R3HCC1L: variants seen among roughly 807,000 people sequenced by gnomAD.
R3HCC1L encodes R3H domain and coiled-coil containing 1 like, also known as coiled-coil domain-containing protein R3HCC1L.
In R3HCC1L, 51 loss-of-function variants were observed where a neutral mutation model predicts 59.9. The observed-to-expected ratio is 0.85, with a 90% confidence interval of 0.68 to 1.07. The LOEUF is 1.07. Among genes scored for constraint, R3HCC1L ranks in the 50% least tolerant of loss-of-function variants. The pLI, the probability that R3HCC1L is intolerant of heterozygous loss-of-function variation, is 0.00. For missense variants in R3HCC1L, 965 were observed against 933.0 expected, an observed-to-expected ratio of 1.03 and a Z score of -0.45; for synonymous variants, 322 against 315.2, an observed-to-expected ratio of 1.02 and a Z score of -0.23.
rs865993813 is a variant in R3HCC1L at position 98,182,874 on chromosome 10, C to T, written c.-15+19477C>T. Among the ~76,000 whole-genome samples the T allele has an allele frequency of 2.9e-4, 44 of 152,264 alleles. No individual in the cohort carries two copies. In the Middle Eastern group the frequency reaches 0.01, roughly 35 times the overall value. ...CAAGGGATATAATCTCCTGGTGTGC[C>T]GTTTGCTAAGACCATTAGAAAAGTG... On this transcript the variant is annotated intron_variant, in intron 4 of 9. Coordinates refer to ENST00000298999, the MANE Select transcript of R3HCC1L (RefSeq NM_001351015.2).
At chr10:98,174,965 GT>G (rs1269698432) in intron 4 of R3HCC1L, among the ~76,000 whole-genome samples, 8 of 152,118 alleles carry the variant, frequency 5.3e-5, no homozygotes, top group Admixed American at 5.2e-4. Context: ...TAAAAATATA[GT>G]TTTCTGTATC....
intron 4 of R3HCC1L, among the ~76,000 whole-genome samples, chr10:98,204,003 A>G (rs1339135383): frequency 6.6e-6 from 1 of 152,236 alleles, no homozygotes; most frequent in Non-Finnish European, 1.5e-5. Flanking sequence ...CTTCAAGCAT[A>G]AATTAGCTGC....
rs754242171 is a variant in R3HCC1L, at chr10:98,208,398, A to G, written c.284A>G (p.Asp95Gly). The change falls in exon 5 of 10, where the codon GAC becomes GGC. Residue 95 changes from aspartate to glycine, a missense_variant. Physicochemically the swap from Asp to Gly is moderately conservative, Grantham distance 94. Coordinates refer to ENST00000298999, the MANE Select transcript of R3HCC1L (RefSeq NM_001351015.2). ...AAATCTTCAACAAAATTAAGAATGG[A>G]CACATGCCTTCAAAAAACAAATAGA... ...EKKSSTKLRM[D>G]TCLQKTNRVC... is the part of the protein sequence containing the mutation. The G allele has an allele frequency of 6.2e-7, 1 of 1,613,968 alleles. No homozygotes were observed. The highest frequency in any genetic ancestry group is 8.5e-7 in the Non-Finnish European group (1 of 1,180,002).
Position 98,209,450 on chromosome 10 carries a change from A to T in R3HCC1L, c.1336A>T (p.Ile446Phe), listed in dbSNP as rs183111131. ...CAGCAACCCTTCTGCTTGCTCAGAT[A>T]TTTATGGTGAGAGTATTTCATCTCA... ...DFSNPSACSD[I>F]YGESISSHFT... Residue 446 changes from isoleucine to phenylalanine, a missense_variant, in exon 5 of 10, where the codon ATT becomes TTT. Ile to Phe is a conservative substitution (Grantham distance 21, BLOSUM62 0). Coordinates refer to ENST00000298999, the MANE Select transcript of R3HCC1L (RefSeq NM_001351015.2). The T allele has an allele frequency of 5.0e-6, 8 of 1,613,428 alleles. No individual in the cohort carries two copies. Among genetic ancestry groups the T allele is most frequent in the Middle Eastern group, 3.3e-4 (2 of 6,084 alleles).
intron 4 of R3HCC1L, among the ~76,000 whole-genome samples, chr10:98,186,892 T>C (rs1376846016): frequency 6.6e-6 from 1 of 152,166 alleles, no homozygotes; most frequent in Non-Finnish European, 1.5e-5. Flanking sequence ...TGTGAGTAGC[T>C]AAATAGCTCA....
intron 1 of R3HCC1L, among the ~76,000 whole-genome samples, chr10:98,145,670 C>T (rs193268276): frequency 2.0e-4 from 30 of 152,214 alleles, no homozygotes; most frequent in Non-Finnish European, 3.8e-4. Flanking sequence ...AAACCATTCT[C>T]GCTGGGCGCG....
In R3HCC1L at chr10:98,236,044, G is replaced by C. The variant is rs1856910418; in HGVS notation, c.2149G>C (p.Glu717Gln). 1.2e-6 allele frequency: 2 copies of C among 1,613,766 alleles called. No individual in the cohort carries two copies. Among genetic ancestry groups the C allele is most frequent in the Non-Finnish European group, 1.7e-6 (2 of 1,179,770 alleles). Residue 717 changes from glutamate (E) to glutamine (Q), a missense_variant, in exon 9 of 10, where the codon GAG becomes CAG. Transcript: ENST00000298999. ...AYAEFLQPAKERPETSAALAR... is the reference protein window; with the variant it reads ...AYAEFLQPAKQRPETSAALAR... ...TTCAGAGTTCCTCCAGCCAGCAAAGGAGCGTCCTGAGACTTCAGCAGCCCT... is the reference window on the plus strand; with the variant it reads ...TTCAGAGTTCCTCCAGCCAGCAAAGCAGCGTCCTGAGACTTCAGCAGCCCT...
At chr10:98,211,344 C>G in intron 5 of R3HCC1L, 2 of 1,533,166 alleles carry the variant, frequency 1.3e-6, no homozygotes, top group Non-Finnish European at 1.7e-6. Flanking sequence ...AACCACTGCT[C>G]AAAGGTAATA....
chr10:98,153,162 G>C (rs1451023393), intron 1 of R3HCC1L, among the ~76,000 whole-genome samples: 2 of 152,236 alleles, frequency 1.3e-5, no homozygotes, highest in Non-Finnish European at 2.9e-5. Context: ...CGGTTTTGTG[G>C]AATAGAAAAG....
At chr10:98,155,167 T>G (rs1846721872) in intron 1 of R3HCC1L, among the ~76,000 whole-genome samples, 1 of 152,222 alleles carries the variant, frequency 6.6e-6, no homozygotes, top group Non-Finnish European at 1.5e-5. Context: ...TCTCTGTCCT[T>G]TTATATTACT....
chr10:98,160,428 A>G (rs149994535), intron 2 of R3HCC1L, among the ~76,000 whole-genome samples: 1 of 152,320 alleles, frequency 6.6e-6, no homozygotes, highest in African/African-American at 2.4e-5. Flanking sequence ...TTTTAAGTGT[A>G]TTAGATAAAA....
At chr10:98,142,265 T>C (rs1277782201) in intron 1 of R3HCC1L, among the ~76,000 whole-genome samples, 1 of 152,240 alleles carries the variant, frequency 6.6e-6, no homozygotes, top group Non-Finnish European at 1.5e-5. Context: ...GCAGACAGTT[T>C]AGAAAATCAG....
intron 4 of R3HCC1L, among the ~76,000 whole-genome samples, chr10:98,207,836 C>T (rs1011076303): frequency 3.9e-5 from 6 of 152,050 alleles, no homozygotes; most frequent in South Asian, 2.1e-4. Flanking sequence ...TGATGAAACC[C>T]GGTCTCTACC....
intron 9 of R3HCC1L, among the ~76,000 whole-genome samples, chr10:98,239,241 G>A (rs574618316): frequency 6.6e-6 from 1 of 152,242 alleles, no homozygotes; most frequent in East Asian, 1.9e-4. Flanking sequence ...ATTATAATAT[G>A]AGCTTGTAAT....
intron 9 of R3HCC1L, among the ~76,000 whole-genome samples, chr10:98,237,803 T>C (rs1421710422): frequency 1.3e-5 from 2 of 152,202 alleles, no homozygotes; most frequent in African/African-American, 4.8e-5. Flanking sequence ...TTCTGGCATC[T>C]TTCTGTGTTG....
intron 2 of R3HCC1L, among the ~76,000 whole-genome samples, chr10:98,157,861 C>T (rs981744596): frequency 6.6e-6 from 1 of 152,046 alleles, no homozygotes; most frequent in East Asian, 1.9e-4. Flanking sequence ...AATAATATTA[C>T]AATAGTATTA....
chr10:98,149,651 T>A (rs965815460), intron 1 of R3HCC1L, among the ~76,000 whole-genome samples: 1 of 152,246 alleles, frequency 6.6e-6, no homozygotes, highest in Admixed American at 6.5e-5. Flanking sequence ...CTGAACTACT[T>A]CTTGTTATTG....
chr10:98,209,572 T>C lies in R3HCC1L; in HGVS notation c.1458T>C (p.Phe486=), dbSNP rs770250033. Reference sequence around the variant, plus strand: ...TTGCTGGTAGTAATTATAACACTTTTTTGGACTCTGAACTCAGTATGTTAA... The same window carrying C: ...TTGCTGGTAGTAATTATAACACTTTCTTGGACTCTGAACTCAGTATGTTAA... ...KKIAGSNYNT[F]LDSELSMLNG... The change falls in exon 5 of 10, where the codon TTT becomes TTC. Residue 486 remains phenylalanine (F), a synonymous_variant. Coordinates refer to ENST00000298999, the MANE Select transcript of R3HCC1L (RefSeq NM_001351015.2). 29 of 1,613,900 alleles carry C rather than the reference T, an allele frequency of 1.8e-5. No individual in the cohort carries two copies. The South Asian group carries it at 2.9e-4, about 16-fold the overall frequency.
intron 5 of R3HCC1L, among the ~76,000 whole-genome samples, chr10:98,229,237 T>C (rs1181996009): frequency 6.6e-6 from 1 of 152,208 alleles, no homozygotes; most frequent in Admixed American, 6.5e-5. Context: ...TTCTTCCATT[T>C]GTTTGTATCC....
Sources: gnomAD v4.1 joint callset for allele counts (sites outside exome capture counted in the v4.1 genomes callset) on GRCh38, gnomAD v4.1.1 for gene constraint, MANE v1.5 for transcripts, NCBI Gene and HGNC (gene_info 2026-07-23, HGNC 2026-07-21) for gene names.